Variants in RNF144A observed in about 807,000 individuals in gnomAD.
RNF144A encodes ring finger protein 144A.
In RNF144A, 11 loss-of-function variants were observed where a neutral mutation model predicts 38.7. That is an observed-to-expected ratio of 0.28 (90% CI 0.18 to 0.47). The LOEUF is 0.47. Among genes scored for constraint, RNF144A ranks in the 20% least tolerant of loss-of-function variants. The probability of loss-of-function intolerance (pLI) is 0.99; values close to 1 mark genes in which losing one functional copy is unlikely to be tolerated. For synonymous variants in RNF144A, 149 were observed against 143.9 expected, an observed-to-expected ratio of 1.04 and a Z score of -0.25; for missense variants, 316 against 377.2, an observed-to-expected ratio of 0.84 and a Z score of 1.34.
chr2:7,000,009 T>G (rs191055330), intron 3 of RNF144A, among the ~76,000 whole-genome samples: 1 of 152,320 alleles, frequency 6.6e-6, no homozygotes, highest in African/African-American at 2.4e-5. Flanking sequence ...TTACCTGTGT[T>G]CCTTCAATGT....
At chr2:6,995,788 T>A (rs1462507253) in intron 2 of RNF144A, among the ~76,000 whole-genome samples, 1 of 152,136 alleles carries the variant, frequency 6.6e-6, no homozygotes, top group East Asian at 1.9e-4. Context: ...CAAATGGTAA[T>A]CTCCTTTGGC....
intron 1 of RNF144A, among the ~76,000 whole-genome samples, chr2:6,924,137 A>G (rs1664716536): frequency 6.6e-6 from 1 of 152,230 alleles, no homozygotes; most frequent in Non-Finnish European, 1.5e-5. Context: ...TAAGACCCTG[A>G]GAAGTCAGAT....
chr2:6,935,502 G>A (rs1300081459), intron 1 of RNF144A, among the ~76,000 whole-genome samples: 2 of 152,174 alleles, frequency 1.3e-5, no homozygotes, highest in Non-Finnish European at 2.9e-5. Context: ...CTCTTTTCCT[G>A]TCTTTCCCGT....
the RNF144A span, among the ~76,000 whole-genome samples, chr2:7,073,689 G>A: frequency 1.5e-3 from 222 of 152,322 alleles, 2 homozygotes; most frequent in African/African-American, 4.7e-3. Context: ...AAGCACGTAC[G>A]CTATGCCAGA....
In RNF144A at chr2:6,941,586, A is replaced by G. The variant is rs1199544124; in HGVS notation, c.-12+439A>G. 1.3e-5 allele frequency among the ~76,000 whole-genome samples: 2 copies of G among 152,260 alleles called. No homozygotes were observed. Among genetic ancestry groups the G allele is most frequent in the Non-Finnish European group, 2.9e-5 (2 of 68,044 alleles). ...GTGGAGGATGGGGGTAGGGACAGTC[A>G]GGAAGAGACAGACAATTCTCATTTG... On this transcript the variant is annotated intron_variant, in intron 2 of 8. Transcript: ENST00000320892. This position sits in a 1 kb window ranked among gnomAD's most constrained non-coding sequence, Gnocchi z 6.5.
chr2:6,974,638 T>C (rs903058094), intron 2 of RNF144A, among the ~76,000 whole-genome samples: 6 of 152,204 alleles, frequency 3.9e-5, no homozygotes, highest in African/African-American at 1.4e-4. Context: ...TACTTAATTA[T>C]TGTGAAAGTA....
chr2:7,075,332 C>G, the RNF144A span, among the ~76,000 whole-genome samples: 1 of 151,688 alleles, frequency 6.6e-6, no homozygotes, highest in African/African-American at 2.4e-5. Flanking sequence ...GAGCTTCCTC[C>G]CAGCATGATG....
rs552113092 is a variant in RNF144A at position 6,997,581 on chromosome 2, A to G, written c.135+520A>G. Reference sequence around the variant, plus strand: ...GGGCCAGATGATCCTTCGGGGCTTAATGAATATGGGGACTTCTAAGTCAAG... The same window carrying G: ...GGGCCAGATGATCCTTCGGGGCTTAGTGAATATGGGGACTTCTAAGTCAAG... On this transcript the variant is annotated intron_variant, in intron 3 of 8. Coordinates refer to ENST00000320892, the MANE Select transcript of RNF144A (RefSeq NM_014746.6). Among the ~76,000 whole-genome samples, 7 of 152,228 alleles carry G rather than the reference A, an allele frequency of 4.6e-5. 1 individual carries two copies. In the South Asian group the frequency reaches 1.0e-3, roughly 22 times the overall value.
Position 7,040,805 on chromosome 2 carries a change from G to A in RNF144A, c.*1045G>A, listed in dbSNP as rs1054695019. Reference sequence around the variant, plus strand: ...TGCCAGATTTTCACATTTTTAAAATGTTCTAGTCATTTTGAGAAATCATAT... The same window carrying A: ...TGCCAGATTTTCACATTTTTAAAATATTCTAGTCATTTTGAGAAATCATAT... On this transcript the variant is annotated 3_prime_UTR_variant, in exon 9 of 9. Transcript: ENST00000320892. 1 of 985,340 alleles carries A rather than the reference G, an allele frequency of 1.0e-6. No homozygotes were observed. The highest frequency in any genetic ancestry group is 1.2e-6 in the Non-Finnish European group (1 of 829,944). 61.0% of individuals were successfully genotyped at this position (985,340 alleles called of 1,614,324 possible). A position where few individuals can be genotyped will look rare whatever the true frequency, so the allele number is the denominator to read the frequency against.
At chr2:7,003,685 C>G (rs1670261631) in intron 3 of RNF144A, among the ~76,000 whole-genome samples, 1 of 152,214 alleles carries the variant, frequency 6.6e-6, no homozygotes, top group Non-Finnish European at 1.5e-5. Flanking sequence ...GTATTCTCTT[C>G]TTGGACAACT....
At chr2:6,923,520 C>T (rs371655365) in intron 1 of RNF144A, among the ~76,000 whole-genome samples, 1 of 152,236 alleles carries the variant, frequency 6.6e-6, no homozygotes, top group African/African-American at 2.4e-5. Flanking sequence ...GGGACGCTCT[C>T]CCACCATCCA....
chr2:6,978,814 G>C (rs928480877), intron 2 of RNF144A: 1 of 152,618 alleles, frequency 6.6e-6, no homozygotes, highest in East Asian at 1.9e-4. Flanking sequence ...CACCTGTGGG[G>C]ATCATCACCA....
chr2:7,011,128 G>A (rs974646798), intron 3 of RNF144A, among the ~76,000 whole-genome samples: 11 of 152,042 alleles, frequency 7.2e-5, no homozygotes, highest in African/African-American at 2.7e-4. Context: ...TTTTGAAAGT[G>A]TTCTTTTAAA....
At chr2:6,986,388 T>C (rs1668965356) in intron 2 of RNF144A, among the ~76,000 whole-genome samples, 1 of 152,186 alleles carries the variant, frequency 6.6e-6, no homozygotes, top group South Asian at 2.1e-4. Context: ...GGCTTGTTGC[T>C]TAGCAACAAG....
rs377198921 is a variant in RNF144A, at chr2:6,977,484, C to T, written c.-11-19432C>T. On this transcript the variant is annotated intron_variant, in intron 2 of 8. Coordinates refer to ENST00000320892, the MANE Select transcript of RNF144A (RefSeq NM_014746.6). ...ATTTTAATTTCACTGCAGAGAGGAT[C>T]GCACCTCATTACTAGCGGTTATTGA... 1.6e-4 allele frequency among the ~76,000 whole-genome samples: 25 copies of T among 152,332 alleles called. No homozygotes were observed. The East Asian group carries it at 1.7e-3, about 11-fold the overall frequency.
Position 7,039,743 on chromosome 2 carries a change from G to A in RNF144A, c.862G>A (p.Asp288Asn), listed in dbSNP as rs758418992. 1 of 1,613,496 alleles carries A rather than the reference G, an allele frequency of 6.2e-7. No homozygotes were observed. The highest frequency in any genetic ancestry group is 1.1e-5 in the South Asian group (1 of 91,028). The change falls in exon 9 of 9, where the codon GAC becomes AAC. Residue 288 changes from aspartate (D) to asparagine (N), a missense_variant. Transcript: ENST00000320892. The part of the protein sequence containing the change: ...CKCKCSKGDD[D>N]PLPT Reference sequence around the variant, plus strand: ...GTGCAAGTGCAGTAAAGGTGACGACGACCCGTTACCCACCTAGAGGAAGCG... The same window carrying A: ...GTGCAAGTGCAGTAAAGGTGACGACAACCCGTTACCCACCTAGAGGAAGCG...
chr2:7,009,817 G>A (rs1306605824), intron 3 of RNF144A, among the ~76,000 whole-genome samples: 1 of 152,198 alleles, frequency 6.6e-6, no homozygotes, highest in African/African-American at 2.4e-5. Flanking sequence ...GTATGGCCCT[G>A]CGGTGGTGGT....
rs60196595 is a variant in RNF144A at position 6,990,385 on chromosome 2, TACACACACACACACACACAC to T, written c.-11-6499_-11-6480del. Among the ~76,000 whole-genome samples, 73 of 123,892 alleles carry T rather than the reference TACACACACACACACACACAC, an allele frequency of 5.9e-4. 1 individual carries two copies. Among genetic ancestry groups the T allele is most frequent in the Admixed American group, 2.3e-3 (26 of 11,300 alleles). 81.3% of individuals were successfully genotyped at this position (123,892 alleles called of 152,430 possible). ...TTCCTTCCTAAAGACTATATATATTTACACACACACACACACACACACACACACACACACACACACACACA... is the reference window on the plus strand; with the variant it reads ...TTCCTTCCTAAAGACTATATATATTTACACACACACACACACACACACACA... On this transcript the variant is annotated intron_variant, in intron 2 of 8. Transcript: ENST00000320892.
At chr2:6,936,073 A>G (rs1410879148) in intron 1 of RNF144A, among the ~76,000 whole-genome samples, 3 of 152,244 alleles carry the variant, frequency 2.0e-5, no homozygotes, top group Admixed American at 6.5e-5. Context: ...CTATGGAAAC[A>G]GTGAAGGCAG....
Sources: gnomAD v4.1 joint callset for allele counts (sites outside exome capture counted in the v4.1 genomes callset) on GRCh38, gnomAD v4.1.1 for gene constraint, Gnocchi (gnomAD v3.1) non-coding constraint, MANE v1.5 for transcripts, NCBI Gene and HGNC (gene_info 2026-07-23, HGNC 2026-07-21) for gene names.